Variants in TLE4 observed in about 807,000 individuals in gnomAD.
The protein encoded by TLE4 is transducin-like enhancer protein 4.
Under a neutral mutation model 92.8 loss-of-function variants are expected in TLE4, and 8 were observed. That is an observed-to-expected ratio of 0.09 (90% CI 0.05 to 0.16). The LOEUF is 0.16. Among genes scored for constraint, TLE4 ranks in the 10% least tolerant of loss-of-function variants. The probability of loss-of-function intolerance (pLI) is 1.00; values close to 1 mark genes in which losing one functional copy is unlikely to be tolerated. For synonymous variants in TLE4, 371 were observed against 374.1 expected (o/e 0.99, Z 0.10); for missense variants, 675 against 997.6 (o/e 0.68, Z 4.36).
chr9:79,632,676 G>T (rs1384457913), intron 6 of TLE4, among the ~76,000 whole-genome samples: 3 of 152,160 alleles, frequency 2.0e-5, no homozygotes, highest in Non-Finnish European at 4.4e-5. Context: ...TAAACTTACA[G>T]GTGAGCTTCT....
At chr9:79,607,216 G>A (rs1230810864) in intron 4 of TLE4, among the ~76,000 whole-genome samples, 1 of 152,106 alleles carries the variant, frequency 6.6e-6, no homozygotes, top group African/African-American at 2.4e-5. Context: ...TTTTGATGGG[G>A]TTGTTTGTTT....
In TLE4 at chr9:79,580,715, C is replaced by CT. The variant is rs371897356; in HGVS notation, c.252+4549dup. On this transcript the variant is annotated intron_variant, in intron 4 of 19. Coordinates refer to ENST00000376552, the MANE Select transcript of TLE4 (RefSeq NM_007005.6). The stretch of plus-strand genomic sequence containing the variant: ...TGTCTGTTATATTCTTACCCAGTGC[C>CT]TTTTTTTTTTTCAGAGATAGGTATA... Among the ~76,000 whole-genome samples the CT allele has an allele frequency of 2.3e-3, 331 of 140,958 alleles. 3 individuals are homozygous for CT. The highest frequency in any genetic ancestry group is 6.5e-3 in the African/African-American group (251 of 38,598). The allele number at this position is 140,958 out of a possible 152,430, so 92.5% of individuals were successfully genotyped here.
At chr9:79,577,901 A>T (rs2038403252) in intron 4 of TLE4, among the ~76,000 whole-genome samples, 1 of 152,136 alleles carries the variant, frequency 6.6e-6, no homozygotes, top group Non-Finnish European at 1.5e-5. Context: ...TACACATTTT[A>T]TACTGCTATA....
At chr9:79,573,605 G>C (rs1031976421) in intron 1 of TLE4, 84 bp from the exon 2 acceptor site, 40 of 1,185,900 alleles carry the variant, frequency 3.4e-5, no homozygotes, top group Non-Finnish European at 4.6e-5. Context: ...CTCACCCCCC[G>C]CTAACGCCGC....
chr9:79,619,540 G>A (rs193238857), intron 5 of TLE4, among the ~76,000 whole-genome samples: 428 of 152,266 alleles, frequency 2.8e-3, no homozygotes, highest in Non-Finnish European at 4.9e-3. Flanking sequence ...ACTTTGCGAG[G>A]AATCAATGGC....
intron 4 of TLE4, among the ~76,000 whole-genome samples, chr9:79,578,903 C>T (rs1587631741): frequency 1.5e-5 from 2 of 137,770 alleles, no homozygotes; most frequent in African/African-American, 5.5e-5. Flanking sequence ...ATCTAAATTT[C>T]TGGTAATCTT....
At chr9:79,572,985 AC>A in intron 1 of TLE4, 150 bp downstream of exon 1, 1 of 789,588 alleles carries the variant, frequency 1.3e-6, no homozygotes, top group Non-Finnish European at 1.9e-6. Context: ...GCCCGCCATC[AC>A]CCCCACCCCC....
chr9:79,722,533 C>T lies in TLE4; in HGVS notation c.2069C>T (p.Thr690Ile), dbSNP rs1273303873. The T allele has an allele frequency of 6.2e-7, 1 of 1,614,084 alleles. No individual in the cohort carries two copies. The highest frequency in any genetic ancestry group is 2.2e-5 in the East Asian group (1 of 44,896). Residue 690 changes from threonine (T) to isoleucine (I), a missense_variant, in exon 18 of 20, where the codon ACC (threonine) becomes ATC (isoleucine). Thr to Ile is a moderately conservative substitution (Grantham distance 89). This residue lies in a region of TLE4 where 170 missense variants were observed against 359.6 expected (regional missense o/e 0.47). Transcript: ENST00000376552. ...ENSNVEVLHVTKPDKYQLHLH... is the reference protein window; with the variant it reads ...ENSNVEVLHVIKPDKYQLHLH... ...AGCAATGTGGAAGTTTTGCATGTCA[C>T]CAAGCCAGACAAATACCAACTACAT...
intron 6 of TLE4, among the ~76,000 whole-genome samples, chr9:79,643,702 C>G (rs2057586614): frequency 6.6e-6 from 1 of 152,114 alleles, no homozygotes; most frequent in African/African-American, 2.4e-5. Context: ...CCAGTTGTAT[C>G]ATATTACTGG....
At chr9:79,573,431 G>A in intron 1 of TLE4, 1 of 1,183,632 alleles carries the variant, frequency 8.4e-7, no homozygotes, top group Non-Finnish European at 1.1e-6. Flanking sequence ...CCGGGGAGGG[G>A]AGACGGGACT....
At chr9:79,598,616 T>C (rs2044712732) in intron 4 of TLE4, among the ~76,000 whole-genome samples, 1 of 152,244 alleles carries the variant, frequency 6.6e-6, no homozygotes, top group Non-Finnish European at 1.5e-5. Context: ...CTGTAAGTCC[T>C]ATCTTGTTCC....
chr9:79,662,147 T>G lies in TLE4; in HGVS notation c.609+8072T>G, dbSNP rs12006198. Among the ~76,000 whole-genome samples, 162 of 152,366 alleles carry G rather than the reference T, an allele frequency of 1.1e-3. 1 individual carries two copies. The highest frequency in any genetic ancestry group is 3.8e-3 in the African/African-American group (157 of 41,574). Reference sequence around the variant, plus strand: ...GGTGGAAGTTAAAATGTCTTAAGTATTCTTGTTGTAAGTGAACTTTCTAAG... The same window carrying G: ...GGTGGAAGTTAAAATGTCTTAAGTAGTCTTGTTGTAAGTGAACTTTCTAAG... On this transcript the variant is annotated intron_variant, in intron 8 of 19. Coordinates refer to ENST00000376552, the MANE Select transcript of TLE4 (RefSeq NM_007005.6).
intron 8 of TLE4, among the ~76,000 whole-genome samples, chr9:79,660,738 A>G (rs950263592): frequency 1.3e-5 from 2 of 152,204 alleles, no homozygotes; most frequent in African/African-American, 4.8e-5. Flanking sequence ...CTAATTCTAG[A>G]AAAATGTGTG....
intron 4 of TLE4, among the ~76,000 whole-genome samples, chr9:79,600,280 C>A (rs899536656): frequency 2.0e-5 from 3 of 152,030 alleles, no homozygotes; most frequent in African/African-American, 7.2e-5. Context: ...AGAAAACAAA[C>A]AAAAGTGGAT....
chr9:79,684,584 A>G (rs1406108207), intron 8 of TLE4, among the ~76,000 whole-genome samples: 1 of 152,158 alleles, frequency 6.6e-6, no homozygotes, highest in African/African-American at 2.4e-5. Flanking sequence ...CCCAAAACCA[A>G]ACCACTACCG....
At chr9:79,712,392 G>A (rs550914943) in intron 14 of TLE4, among the ~76,000 whole-genome samples, 3 of 152,200 alleles carry the variant, frequency 2.0e-5, no homozygotes, top group South Asian at 2.1e-4. Context: ...TAACAGTTAT[G>A]TGGCTCTCCA....
intron 2 of TLE4, 101 bp from the exon 3 acceptor site, chr9:79,574,772 G>A (rs2037184142): frequency 1.0e-6 from 1 of 970,934 alleles, no homozygotes; most frequent in African/African-American, 1.6e-5. Context: ...ATTTAAGATT[G>A]TTGATTTAGT....
chr9:79,695,366 C>T (rs1302938327), intron 8 of TLE4, among the ~76,000 whole-genome samples: 1 of 152,062 alleles, frequency 6.6e-6, no homozygotes, highest in Non-Finnish European at 1.5e-5. Flanking sequence ...CACACACACA[C>T]ACACACACAC....
At chr9:79,653,926 A>G in intron 7 of TLE4, 133 bp from the exon 8 acceptor site, 2 of 1,009,788 alleles carry the variant, frequency 2.0e-6, no homozygotes, top group African/African-American at 1.6e-5. Context: ...AGCACAGTTG[A>G]CATCTGTGTA....
Sources: allele counts gnomAD v4.1 joint callset (sites outside exome capture counted in the v4.1 genomes callset), GRCh38; gene constraint gnomAD v4.1.1; regional missense constraint gnomAD v4.1.1; transcripts MANE v1.5; gene names NCBI Gene and HGNC (gene_info 2026-07-23, HGNC 2026-07-21).